The following PHF14 variants were observed in gnomAD, a reference collection of about 807,000 sequenced individuals.
PHF14 encodes the protein PHD finger protein 14.
In PHF14, 55 loss-of-function variants were observed where a neutral mutation model predicts 117.9. That is an observed-to-expected ratio of 0.47 (90% CI 0.38 to 0.58). The LOEUF is 0.58. Among genes scored for constraint, PHF14 ranks in the 20% least tolerant of loss-of-function variants. PHF14 has a pLI of 0.00. For synonymous variants in PHF14, 409 were observed against 368.6 expected, an observed-to-expected ratio of 1.11 and a Z score of -1.26; for missense variants, 978 against 1,122.2, an observed-to-expected ratio of 0.87 and a Z score of 1.84.
chr7:11,030,977 A>G (rs772009228), intron 7 of PHF14, among the ~76,000 whole-genome samples: 1 of 152,168 alleles, frequency 6.6e-6, no homozygotes. Flanking sequence ...TGTCTTGTCT[A>G]TTTCTAGATG....
rs1783439287 is a variant in PHF14, at chr7:11,014,006, T to G, written c.1205+100T>G. 5 of 697,998 alleles carry G rather than the reference T, an allele frequency of 7.2e-6. No individual in the cohort carries two copies. The South Asian group carries it at 1.5e-4, about 21-fold the overall frequency. 43.2% of individuals were successfully genotyped at this position (697,998 alleles called of 1,614,324 possible). On this transcript the variant is annotated intron_variant, in intron 5 of 17. Transcript: ENST00000634607. Reference sequence around the variant, plus strand: ...TTATGATTACACACTTTCATTTGATTGCTTCTTTGTATCTTCTTGGCATAG... The same window carrying G: ...TTATGATTACACACTTTCATTTGATGGCTTCTTTGTATCTTCTTGGCATAG...
intron 4 of PHF14, chr7:11,006,780 C>T: frequency 2.5e-6 from 2 of 796,270 alleles, no homozygotes; most frequent in Non-Finnish European, 4.3e-6. Context: ...CTGTGGACAC[C>T]TTTCAACACT....
chr7:11,122,273 G>A (rs116316736), intron 17 of PHF14, among the ~76,000 whole-genome samples: 2,486 of 145,818 alleles, frequency 0.017, 82 homozygotes, highest in East Asian at 0.12. Flanking sequence ...TTTACCATGG[G>A]TAACTGAAAC....
chr7:11,160,138 C>T (rs1788982086), intron 17 of PHF14, among the ~76,000 whole-genome samples: 2 of 152,188 alleles, frequency 1.3e-5, no homozygotes, highest in Admixed American at 1.3e-4. Context: ...CCAATGTGCT[C>T]CCACTTATGA....
chr7:10,995,844 C>T (rs1210476985), intron 4 of PHF14, among the ~76,000 whole-genome samples: 2 of 152,224 alleles, frequency 1.3e-5, no homozygotes, highest in African/African-American at 4.8e-5. Flanking sequence ...AAGCCCATGC[C>T]CACCCGGAAC....
chr7:11,058,570 A>T (rs1036263624), intron 14 of PHF14, among the ~76,000 whole-genome samples: 1 of 152,202 alleles, frequency 6.6e-6, no homozygotes, highest in East Asian at 1.9e-4. Context: ...TCAAGTTAGT[A>T]TGTAGTATGG....
At chr7:11,078,888 T>C (rs1401042392) in intron 16 of PHF14, among the ~76,000 whole-genome samples, 1 of 152,174 alleles carries the variant, frequency 6.6e-6, no homozygotes, top group Admixed American at 6.5e-5. Context: ...AATTGAGCTT[T>C]TAAATGGACT....
intron 13 of PHF14, among the ~76,000 whole-genome samples, chr7:11,043,590 C>G (rs1310396588): frequency 6.6e-6 from 1 of 151,888 alleles, no homozygotes; most frequent in East Asian, 1.9e-4. Flanking sequence ...ATTTTTTGAC[C>G]TCATTGTTTT....
At chr7:10,992,929 T>A (rs1439932011) in intron 4 of PHF14, among the ~76,000 whole-genome samples, 2 of 151,824 alleles carry the variant, frequency 1.3e-5, no homozygotes, top group African/African-American at 2.4e-5. Context: ...TATAGTCCAG[T>A]TTTTTTTATT....
intron 17 of PHF14, among the ~76,000 whole-genome samples, chr7:11,115,595 A>C (rs1787576108): frequency 6.6e-6 from 1 of 152,002 alleles, no homozygotes; most frequent in Admixed American, 6.6e-5. Context: ...TCTTCTTCAT[A>C]TCCAAAATAA....
At chr7:11,011,833 C>G (rs770770547) in intron 4 of PHF14, among the ~76,000 whole-genome samples, 7 of 152,158 alleles carry the variant, frequency 4.6e-5, no homozygotes, top group Non-Finnish European at 1.0e-4. Flanking sequence ...ATTTAGGAGT[C>G]ATGACTATCA....
intron 16 of PHF14, among the ~76,000 whole-genome samples, chr7:11,070,293 G>A (rs1785570836): frequency 6.6e-6 from 1 of 152,162 alleles, no homozygotes; most frequent in Non-Finnish European, 1.5e-5. Flanking sequence ...GCCCAGGCTG[G>A]TGTAGAACTT....
At chr7:11,156,360 A>G (rs1056712607) in intron 17 of PHF14, among the ~76,000 whole-genome samples, 4 of 152,230 alleles carry the variant, frequency 2.6e-5, no homozygotes, top group African/African-American at 7.2e-5. Context: ...CCATGGGAGA[A>G]GTGTTACTTA....
intron 16 of PHF14, among the ~76,000 whole-genome samples, chr7:11,101,648 CT>C (rs1415911191): frequency 6.6e-6 from 1 of 151,572 alleles, no homozygotes; most frequent in Non-Finnish European, 1.5e-5. Flanking sequence ...CATGATAGCT[CT>C]CCTCAGTAAC....
chr7:11,069,802 C>A (rs1197524719), intron 16 of PHF14, among the ~76,000 whole-genome samples: 2 of 151,378 alleles, frequency 1.3e-5, no homozygotes, highest in South Asian at 4.2e-4. Context: ...GAATTACCAC[C>A]GTGGCTTGGT....
At chr7:11,038,674 T>C (rs1488514111) in intron 10 of PHF14, 86 bp from the exon 11 acceptor site, 11 of 367,816 alleles carry the variant, frequency 3.0e-5, no homozygotes, top group Admixed American at 4.9e-5. Context: ...AAAAAAATTA[T>C]ATATATATAT....
chr7:11,087,515 G>T (rs1290714047), intron 16 of PHF14, among the ~76,000 whole-genome samples: 14 of 151,968 alleles, frequency 9.2e-5, no homozygotes, highest in Admixed American at 6.6e-4. Context: ...TCTTGACCTG[G>T]TTTTTTTGTT....
chr7:11,107,941 T>C (rs1787325304), intron 16 of PHF14: 1 of 158,836 alleles, frequency 6.3e-6, no homozygotes, highest in Non-Finnish European at 1.3e-5. Flanking sequence ...CAGATGATTA[T>C]AGTCCCTTAC....
intron 7 of PHF14, among the ~76,000 whole-genome samples, chr7:11,031,617 G>A (rs116751817): frequency 0.013 from 1,952 of 151,692 alleles, 41 homozygotes; most frequent in African/African-American, 0.044. Context: ...AATTAGCTGG[G>A]TGTGATGTTG....
Sources: gnomAD v4.1 joint callset for allele counts (sites outside exome capture counted in the v4.1 genomes callset) on GRCh38, gnomAD v4.1.1 for gene constraint, MANE v1.5 for transcripts, NCBI Gene and HGNC (gene_info 2026-07-23, HGNC 2026-07-21) for gene names.